The following EDIL3 variants were observed in gnomAD, a reference collection of about 807,000 sequenced individuals.
The protein encoded by EDIL3 is EGF like and discoidin domains 3, also known as EGF-like repeat and discoidin I-like domain-containing protein 3.
A neutral mutation model predicts 67.4 loss-of-function variants in EDIL3; 37 were observed. The observed-to-expected ratio is 0.55, with a 90% confidence interval of 0.42 to 0.72. The LOEUF (loss-of-function observed/expected upper bound fraction) is 0.72, where lower values mean the gene tolerates loss of function less well. EDIL3 is among the 30% of genes least tolerant of loss of function. The pLI is 0.00. For missense variants in EDIL3, 527 were observed against 586.3 expected, an observed-to-expected ratio of 0.90 and a Z score of 1.04; for synonymous variants, 195 against 196.3, an observed-to-expected ratio of 0.99 and a Z score of 0.05.
chr5:84,203,921 T>C (rs1743903747), intron 3 of EDIL3, among the ~76,000 whole-genome samples: 1 of 152,196 alleles, frequency 6.6e-6, no homozygotes, highest in African/African-American at 2.4e-5. Context: ...ATACTATATG[T>C]TTTTGCCAAT....
At chr5:84,226,965 A>G (rs2112406059) in intron 3 of EDIL3, among the ~76,000 whole-genome samples, 1 of 152,126 alleles carries the variant, frequency 6.6e-6, no homozygotes, top group East Asian at 1.9e-4. Flanking sequence ...AAGTAGCTAT[A>G]TTATACTTAA....
At chr5:84,334,017 C>T (rs1284332893) in intron 1 of EDIL3, among the ~76,000 whole-genome samples, 1 of 150,692 alleles carries the variant, frequency 6.6e-6, no homozygotes, top group African/African-American at 2.4e-5. Flanking sequence ...GATCTAGAAT[C>T]TTTGTATGTA....
chr5:84,330,955 A>G (rs753681515), intron 1 of EDIL3, among the ~76,000 whole-genome samples: 7 of 152,292 alleles, frequency 4.6e-5, no homozygotes, highest in South Asian at 2.1e-4. Flanking sequence ...TCTTGCATCA[A>G]TGTGACCTGG....
At chr5:84,252,702 A>G (rs1745048139) in intron 2 of EDIL3, among the ~76,000 whole-genome samples, 1 of 151,896 alleles carries the variant, frequency 6.6e-6, no homozygotes, top group Non-Finnish European at 1.5e-5. Flanking sequence ...CATTTCTACT[A>G]GGGGTATTTA....
intron 3 of EDIL3, among the ~76,000 whole-genome samples, chr5:84,195,821 TGAA>T (rs2112372736): frequency 6.6e-6 from 1 of 152,132 alleles, no homozygotes; most frequent in South Asian, 2.1e-4. Context: ...AAAAGAATTT[TGAA>T]GAAGATTTAT....
intron 9 of EDIL3, among the ~76,000 whole-genome samples, chr5:84,036,455 A>G (rs1746023479): frequency 6.6e-6 from 1 of 152,204 alleles, no homozygotes. Context: ...TCCAGAAAAG[A>G]CAGATCTTTT....
intron 1 of EDIL3, among the ~76,000 whole-genome samples, chr5:84,308,783 G>C (rs1326682574): frequency 6.6e-6 from 1 of 152,018 alleles, no homozygotes; most frequent in Non-Finnish European, 1.5e-5. Context: ...AAGATCAATT[G>C]GTCTGATACA....
intron 9 of EDIL3, among the ~76,000 whole-genome samples, chr5:84,040,668 A>G (rs1454954178): frequency 6.6e-6 from 1 of 151,968 alleles, no homozygotes; most frequent in Non-Finnish European, 1.5e-5. Flanking sequence ...TTGTTGTTGG[A>G]TTTATTCATT....
intron 4 of EDIL3, among the ~76,000 whole-genome samples, chr5:84,144,009 A>G (rs1748249856): frequency 6.6e-6 from 1 of 152,126 alleles, no homozygotes. Context: ...TATTAAGGAA[A>G]AATGAAATTA....
At chr5:84,292,670 C>A (rs964903845) in intron 1 of EDIL3, among the ~76,000 whole-genome samples, 1 of 151,996 alleles carries the variant, frequency 6.6e-6, no homozygotes, top group Non-Finnish European at 1.5e-5. Flanking sequence ...GGTTCTCATG[C>A]TATATACTTT....
In EDIL3 at chr5:83,970,675, A is replaced by C. The variant is rs1309994969; in HGVS notation, c.1138-7315T>G. ...TATATATATATATATATATATATAT[A>C]TATATATATTTAAGAACATAATTTT... On this transcript the variant is annotated intron_variant, in intron 9 of 10. Transcript: ENST00000296591. Among the ~76,000 whole-genome samples, 5 of 121,428 alleles carry C rather than the reference A, an allele frequency of 4.1e-5. No individual in the cohort carries two copies. In the Admixed American group the frequency reaches 4.2e-4, roughly 10 times the overall value. The allele number at this position is 121,428 out of a possible 152,430, so 79.7% of individuals were successfully genotyped here.
chr5:84,082,558 G>A (rs1746988897), intron 6 of EDIL3, among the ~76,000 whole-genome samples: 1 of 152,132 alleles, frequency 6.6e-6, no homozygotes, highest in South Asian at 2.1e-4. Context: ...GGACAACTTA[G>A]CATTCTACAT....
chr5:84,006,824 A>G (rs763498432), intron 9 of EDIL3, among the ~76,000 whole-genome samples: 1 of 152,168 alleles, frequency 6.6e-6, no homozygotes, highest in South Asian at 2.1e-4. Context: ...TTTTAAATAT[A>G]TAATTGTTCT....
chr5:84,098,053 G>A (rs569674091), intron 6 of EDIL3, among the ~76,000 whole-genome samples: 2 of 150,628 alleles, frequency 1.3e-5, no homozygotes, highest in African/African-American at 4.9e-5. Flanking sequence ...ATTATTAGTT[G>A]GAAAAAATCT....
Position 84,206,888 on chromosome 5 carries a change from G to A in EDIL3, c.226+22967C>T, listed in dbSNP as rs1467770374. Among the ~76,000 whole-genome samples the A allele has an allele frequency of 3.3e-5, 5 of 152,126 alleles. No homozygotes were observed. The East Asian group carries it at 9.6e-4, about 29-fold the overall frequency. Reference sequence around the variant, plus strand: ...CTCTCAATAAATTAGGTATTGATGGGACATATCTCAAATAATAAGAGCTAT... The same window carrying A: ...CTCTCAATAAATTAGGTATTGATGGAACATATCTCAAATAATAAGAGCTAT... On this transcript the variant is annotated intron_variant, in intron 3 of 10. Coordinates refer to ENST00000296591, the MANE Select transcript of EDIL3 (RefSeq NM_005711.5).
intron 9 of EDIL3, among the ~76,000 whole-genome samples, chr5:84,031,943 G>A (rs1047734002): frequency 6.6e-6 from 1 of 152,178 alleles, no homozygotes; most frequent in Admixed American, 6.5e-5. Flanking sequence ...ATGAAGAGAA[G>A]CACAAAAGTA....
intron 1 of EDIL3, among the ~76,000 whole-genome samples, chr5:84,380,356 T>G (rs1041229624): frequency 6.6e-6 from 1 of 152,082 alleles, no homozygotes; most frequent in African/African-American, 2.4e-5. Flanking sequence ...ATAATAATGT[T>G]AATTTTCAAC....
intron 9 of EDIL3, among the ~76,000 whole-genome samples, chr5:83,986,289 T>C (rs1216288391): frequency 6.6e-6 from 1 of 152,164 alleles, no homozygotes; most frequent in African/African-American, 2.4e-5. Flanking sequence ...AGATGTAGTT[T>C]ATATTACCAA....
At chr5:84,335,165 C>T (rs1054425182) in intron 1 of EDIL3, among the ~76,000 whole-genome samples, 1 of 152,072 alleles carries the variant, frequency 6.6e-6, no homozygotes, top group African/African-American at 2.4e-5. Context: ...TACCTTCCCC[C>T]GGCTGAACCA....
Sources: allele counts gnomAD v4.1 joint callset (sites outside exome capture counted in the v4.1 genomes callset), GRCh38; gene constraint gnomAD v4.1.1; transcripts MANE v1.5; gene names NCBI Gene and HGNC (gene_info 2026-07-23, HGNC 2026-07-21).